The following LRRTM4 variants were observed in gnomAD, a reference collection of about 807,000 sequenced individuals.
LRRTM4 encodes the protein leucine-rich repeat transmembrane neuronal protein 4.
Under a neutral mutation model 47.6 loss-of-function variants are expected in LRRTM4, and 25 were observed. The ratio of observed to expected loss-of-function variants is 0.53; its 90% confidence interval spans 0.38 to 0.73. LRRTM4 has a LOEUF of 0.73. Among genes scored for constraint, LRRTM4 ranks in the 30% least tolerant of loss-of-function variants. The pLI, the probability that LRRTM4 is intolerant of heterozygous loss-of-function variation, is 0.00. For synonymous variants in LRRTM4, 311 were observed against 269.5 expected, an observed-to-expected ratio of 1.15 and a Z score of -1.51; for missense variants, 638 against 713.4, an observed-to-expected ratio of 0.89 and a Z score of 1.20.
intron 3 of LRRTM4, among the ~76,000 whole-genome samples, chr2:77,199,143 C>T (rs142232311): frequency 6.6e-6 from 1 of 152,238 alleles, no homozygotes; most frequent in East Asian, 1.9e-4. Flanking sequence ...TCTATAGGGA[C>T]ATTAAATAAA....
intron 3 of LRRTM4, among the ~76,000 whole-genome samples, chr2:76,910,279 A>C (rs1435023436): frequency 1.4e-5 from 2 of 145,484 alleles, no homozygotes; most frequent in Admixed American, 1.4e-4. Context: ...TCTCACTCAT[A>C]GGTGGGAATT....
rs556245898 is a variant in LRRTM4, at chr2:77,149,751, G to T, written c.1551+368567C>A. On this transcript the variant is annotated intron_variant, in intron 3 of 3. Transcript: ENST00000409884. Reference sequence around the variant, plus strand: ...TGGCAGAGACATAGATTCATTAGGGGCTGCGTGCCTCACTGGTGAGCACTG... The same window carrying T: ...TGGCAGAGACATAGATTCATTAGGGTCTGCGTGCCTCACTGGTGAGCACTG... Among the ~76,000 whole-genome samples the T allele has an allele frequency of 2.0e-5, 3 of 152,248 alleles. No homozygotes were observed. In the East Asian group the frequency reaches 5.8e-4, roughly 29 times the overall value.
At chr2:77,459,812 A>G (rs1377211768) in intron 3 of LRRTM4, among the ~76,000 whole-genome samples, 2 of 149,944 alleles carry the variant, frequency 1.3e-5, no homozygotes, top group African/African-American at 2.4e-5. Flanking sequence ...TGTACAGACA[A>G]ACAAACAACA....
At chr2:77,338,557 G>A (rs1297965647) in intron 3 of LRRTM4, among the ~76,000 whole-genome samples, 1 of 151,896 alleles carries the variant, frequency 6.6e-6, no homozygotes, top group East Asian at 1.9e-4. Context: ...TCTCATACCA[G>A]TCAGAATGGC....
chr2:76,803,904 G>T (rs186371825), intron 3 of LRRTM4, among the ~76,000 whole-genome samples: 1 of 152,098 alleles, frequency 6.6e-6, no homozygotes, highest in Non-Finnish European at 1.5e-5. Flanking sequence ...TGGATAGAGG[G>T]TACCTACATG....
At chr2:76,751,139 C>G (rs1672836117) in intron 3 of LRRTM4, among the ~76,000 whole-genome samples, 1 of 152,082 alleles carries the variant, frequency 6.6e-6, no homozygotes, top group Non-Finnish European at 1.5e-5. Flanking sequence ...TTGATCAAAG[C>G]ACATATTCAG....
At chr2:77,480,784 G>C (rs6547146) in intron 3 of LRRTM4, among the ~76,000 whole-genome samples, 39,799 of 78,724 alleles carry the variant, frequency 0.51, 9,410 homozygotes, top group Middle Eastern at 0.58. Flanking sequence ...GCTGTTTTAG[G>C]AGTGTGTGTG....
intron 3 of LRRTM4, among the ~76,000 whole-genome samples, chr2:77,362,629 CTT>C (rs1258299296): frequency 6.6e-6 from 1 of 152,158 alleles, no homozygotes; most frequent in Non-Finnish European, 1.5e-5. Context: ...TCCGATTCGT[CTT>C]TTGTCCCAGA....
At chr2:77,282,458 C>G (rs1037351850) in intron 3 of LRRTM4, among the ~76,000 whole-genome samples, 1 of 151,316 alleles carries the variant, frequency 6.6e-6, no homozygotes, top group Admixed American at 6.6e-5. Context: ...TCCCTGATTG[C>G]TCTGGCTAGG....
At chr2:77,013,520 A>G (rs1227120619) in intron 3 of LRRTM4, among the ~76,000 whole-genome samples, 1 of 145,586 alleles carries the variant, frequency 6.9e-6, no homozygotes, top group African/African-American at 2.6e-5. Flanking sequence ...AAAAAAAAAA[A>G]GTGAAGTGAG....
At chr2:76,832,244 C>T (rs770497310) in intron 3 of LRRTM4, among the ~76,000 whole-genome samples, 1 of 152,002 alleles carries the variant, frequency 6.6e-6, no homozygotes, top group Non-Finnish European at 1.5e-5. Flanking sequence ...GGAAGTTTGT[C>T]GTAGGCTTCT....
intron 3 of LRRTM4, among the ~76,000 whole-genome samples, chr2:77,501,458 G>A (rs979211896): frequency 1.5e-4 from 22 of 150,456 alleles, no homozygotes; most frequent in African/African-American, 5.3e-4. Context: ...ATTAAATGAC[G>A]TGAAATTGGG....
intron 3 of LRRTM4, among the ~76,000 whole-genome samples, chr2:76,935,413 T>C (rs754783966): frequency 1.3e-5 from 2 of 152,154 alleles, no homozygotes; most frequent in African/African-American, 2.4e-5. Context: ...TTGATGGGAA[T>C]AGCATTGCAT....
chr2:76,920,787 C>T lies in LRRTM4; in HGVS notation c.1552-171871G>A, dbSNP rs190342728. Among the ~76,000 whole-genome samples, 305 of 152,194 alleles carry T rather than the reference C, an allele frequency of 2.0e-3. 4 individuals are homozygous for T. Among genetic ancestry groups the T allele is most frequent in the Admixed American group, 0.019 (288 of 15,264 alleles). ...AATCTTCTTTGCCTTCTACTTCATT[C>T]GCTAAAGCCCCATTATTATAGGTCC... On this transcript the variant is annotated intron_variant, in intron 3 of 3. Transcript: ENST00000409884.
intron 3 of LRRTM4, among the ~76,000 whole-genome samples, chr2:77,500,819 G>C (rs1678546077): frequency 6.6e-6 from 1 of 151,466 alleles, no homozygotes; most frequent in African/African-American, 2.4e-5. Context: ...TCTACCACTA[G>C]AGAATCATTT....
At chr2:77,476,299 A>C (rs1317086089) in intron 3 of LRRTM4, among the ~76,000 whole-genome samples, 3 of 152,106 alleles carry the variant, frequency 2.0e-5, no homozygotes, top group Non-Finnish European at 4.4e-5. Flanking sequence ...AATACTTTCT[A>C]GTTGTTTAAG....
At chr2:77,387,635 T>C (rs982248840) in intron 3 of LRRTM4, among the ~76,000 whole-genome samples, 9 of 152,132 alleles carry the variant, frequency 5.9e-5, no homozygotes, top group Non-Finnish European at 8.8e-5. Flanking sequence ...ACCCTTCATG[T>C]GTCTTCTGCC....
chr2:77,060,260 T>C (rs1277842226), intron 3 of LRRTM4, among the ~76,000 whole-genome samples: 6 of 152,204 alleles, frequency 3.9e-5, no homozygotes, highest in East Asian at 1.9e-4. Flanking sequence ...TAGATAGTTA[T>C]TGATGAAAAA....
chr2:77,027,805 G>T (rs892389113), intron 3 of LRRTM4, among the ~76,000 whole-genome samples: 1 of 151,970 alleles, frequency 6.6e-6, no homozygotes, highest in Non-Finnish European at 1.5e-5. Flanking sequence ...TAGCATGTTT[G>T]TACAATTTAT....
Sources: allele counts gnomAD v4.1 joint callset (sites outside exome capture counted in the v4.1 genomes callset), GRCh38; gene constraint gnomAD v4.1.1; transcripts MANE v1.5; gene names NCBI Gene and HGNC (gene_info 2026-07-23, HGNC 2026-07-21).